The following LARS2 variants were observed in gnomAD, a reference collection of about 807,000 sequenced individuals.
LARS2 encodes the protein leucine--tRNA ligase, mitochondrial.
LARS2 carries 81 observed loss-of-function variants against 116.6 expected under a neutral mutation model. That is an observed-to-expected ratio of 0.69 (90% confidence interval 0.58 to 0.84). The LOEUF is 0.84. LARS2 is among the 40% of genes least tolerant of loss of function. The pLI is 0.00. For missense variants in LARS2, 968 were observed against 1,114.5 expected (o/e 0.87, Z 1.87); for synonymous variants, 396 against 407.2 (o/e 0.97, Z 0.33).
chr3:45,505,973 G>C (rs1232705324), intron 15 of LARS2, among the ~76,000 whole-genome samples: 2 of 152,066 alleles, frequency 1.3e-5, no homozygotes, highest in Non-Finnish European at 2.9e-5. Flanking sequence ...TTTCAAATAT[G>C]ACTTTGTTTT....
At chr3:45,456,320 C>G (rs530059587) in intron 7 of LARS2, among the ~76,000 whole-genome samples, 1 of 152,178 alleles carries the variant, frequency 6.6e-6, no homozygotes, top group Admixed American at 6.5e-5. Flanking sequence ...TGGTGACTCA[C>G]GCCTGTAATC....
chr3:45,423,202 T>C (rs139032595), intron 6 of LARS2, among the ~76,000 whole-genome samples: 1 of 152,336 alleles, frequency 6.6e-6, no homozygotes, highest in African/African-American at 2.4e-5. Context: ...ATAAGAAAAG[T>C]AGCAGGTAAT....
At chr3:45,480,934 T>G (rs1699688452) in intron 10 of LARS2, among the ~76,000 whole-genome samples, 1 of 152,212 alleles carries the variant, frequency 6.6e-6, no homozygotes, top group Non-Finnish European at 1.5e-5. Context: ...ATATATACAA[T>G]TCCATGGTTT....
intron 10 of LARS2, among the ~76,000 whole-genome samples, chr3:45,478,071 T>A (rs1045126308): frequency 1.3e-5 from 2 of 152,206 alleles, no homozygotes; most frequent in Admixed American, 1.3e-4. Flanking sequence ...AAGGCAGATG[T>A]CACCTCTCAG....
intron 20 of LARS2, among the ~76,000 whole-genome samples, chr3:45,540,764 C>T (rs538966823): frequency 6.6e-6 from 1 of 151,202 alleles, no homozygotes; most frequent in Non-Finnish European, 1.5e-5. Context: ...ATCTATCTAT[C>T]TATCTATCTA....
intron 15 of LARS2, among the ~76,000 whole-genome samples, chr3:45,501,653 T>G (rs1214871093): frequency 1.3e-5 from 2 of 152,336 alleles, no homozygotes; most frequent in Non-Finnish European, 2.9e-5. Flanking sequence ...TGCACGTGGT[T>G]CCTGACATAT....
intron 6 of LARS2, among the ~76,000 whole-genome samples, chr3:45,430,648 G>A (rs1409473429): frequency 7.6e-6 from 1 of 131,300 alleles, no homozygotes; most frequent in Non-Finnish European, 1.6e-5. Context: ...GCCGTGGCGC[G>A]ATCTCAGCTC....
chr3:45,483,013 C>T (rs1699732577), intron 10 of LARS2, among the ~76,000 whole-genome samples: 1 of 152,210 alleles, frequency 6.6e-6, no homozygotes, highest in African/African-American at 2.4e-5. Context: ...TGCTTCTGCA[C>T]ATCCTCCATG....
At chr3:45,466,524 T>G (rs1699428458) in intron 8 of LARS2, among the ~76,000 whole-genome samples, 2 of 151,966 alleles carry the variant, frequency 1.3e-5, no homozygotes, top group Admixed American at 1.3e-4. Flanking sequence ...ATGAATAAGG[T>G]GTTGCGTTAT....
chr3:45,476,445 T>C (rs752203303), intron 9 of LARS2, 23 bp from the exon 10 acceptor site: 2 of 1,613,652 alleles, frequency 1.2e-6, no homozygotes, highest in Non-Finnish European at 1.7e-6. Context: ...AGAAATGACA[T>C]CACTCTTCTT....
At chr3:45,520,158 C>T in intron 18 of LARS2, 61 bp from the exon 19 acceptor site, 2 of 1,203,898 alleles carry the variant, frequency 1.7e-6, no homozygotes, top group Non-Finnish European at 2.5e-6. Context: ...ATAATTCAGT[C>T]TTTTTGTGGA....
rs1197967350 is a variant in LARS2, at chr3:45,488,671, GTTTTC to G, written c.1124-18_1124-14del. ...TGATTTGGGCACTTGTGAAGGAAAT[GTTTTC>G]TTTTCTTCTCCTCTGAATAGGAATT... On this transcript the variant is annotated intron_variant, in intron 11 of 21. Coordinates refer to ENST00000645846, the MANE Select transcript of LARS2 (RefSeq NM_015340.4). 2.1e-5 allele frequency: 30 copies of G among 1,428,626 alleles called. 1 individual carries two copies. The highest frequency in any genetic ancestry group is 2.0e-4 in the East Asian group (9 of 44,022). 88.5% of individuals were successfully genotyped at this position (1,428,626 alleles called of 1,614,324 possible).
At chr3:45,407,882 G>A (rs867493997) in intron 4 of LARS2, among the ~76,000 whole-genome samples, 1 of 152,106 alleles carries the variant, frequency 6.6e-6, no homozygotes, top group African/African-American at 2.4e-5. Context: ...CCCTTCCATC[G>A]CCAAACTCTA....
At chr3:45,416,943 G>A (rs139672589) in intron 4 of LARS2, among the ~76,000 whole-genome samples, 3,239 of 151,952 alleles carry the variant, frequency 0.021, 49 homozygotes, top group Non-Finnish European at 0.032. Context: ...GTGTGGTGGC[G>A]TGTGCCTGTA....
chr3:45,391,856 T>A (rs1697958116), intron 2 of LARS2, among the ~76,000 whole-genome samples: 1 of 152,252 alleles, frequency 6.6e-6, no homozygotes, highest in Admixed American at 6.5e-5. Context: ...AGCTTATTCT[T>A]GTTGTGTAGA....
chr3:45,476,572 A>G lies in LARS2; in HGVS notation c.963A>G (p.Leu321=). The G allele has an allele frequency of 6.2e-7, 1 of 1,614,180 alleles. No individual in the cohort carries two copies. The stretch of plus-strand genomic sequence containing the variant: ...CCATCTCGCCCAGCCACAGACTCCT[A>G]CATGGGCACAGCTCTCTGAAGGAAG... ...HVAISPSHRL[L]HGHSSLKEAL... is the part of the protein sequence containing the mutation. The change falls in exon 10 of 22, where the codon CTA becomes CTG. Residue 321 remains leucine (L), a synonymous_variant. Coordinates refer to ENST00000645846, the MANE Select transcript of LARS2 (RefSeq NM_015340.4).
At chr3:45,519,362 G>A (rs1213409860) in intron 18 of LARS2, among the ~76,000 whole-genome samples, 3 of 151,178 alleles carry the variant, frequency 2.0e-5, no homozygotes, top group East Asian at 2.0e-4. Context: ...GTGGTGGCAC[G>A]CGCCTGTAAT....
intron 20 of LARS2, 82 bp downstream of exon 20, chr3:45,524,190 A>C (rs1700501790): frequency 1.2e-6 from 1 of 863,142 alleles, no homozygotes; most frequent in Non-Finnish European, 1.9e-6. Flanking sequence ...TTCGGGACTC[A>C]GATGTCCTCA....
intron 15 of LARS2, among the ~76,000 whole-genome samples, chr3:45,505,581 C>T (rs1336763814): frequency 1.3e-5 from 2 of 151,532 alleles, no homozygotes; most frequent in African/African-American, 4.8e-5. Flanking sequence ...GTCCCAGCTA[C>T]TTGGGAGTCT....
Sources: allele counts gnomAD v4.1 joint callset (sites outside exome capture counted in the v4.1 genomes callset), GRCh38; gene constraint gnomAD v4.1.1; transcripts MANE v1.5; gene names NCBI Gene and HGNC (gene_info 2026-07-23, HGNC 2026-07-21).